CDYL2: variants seen among roughly 807,000 people sequenced by gnomAD.
CDYL2 encodes chromodomain Y-like protein 2.
CDYL2 carries 23 observed loss-of-function variants against 49.4 expected under a neutral mutation model. That is an observed-to-expected ratio of 0.47 (90% confidence interval 0.34 to 0.66). CDYL2 has a LOEUF of 0.66. CDYL2 is among the 30% of genes least tolerant of loss of function. The pLI is 0.01. For missense variants in CDYL2, 678 were observed against 656.4 expected (o/e 1.03, Z -0.36); for synonymous variants, 360 against 268.8 (o/e 1.34, Z -3.32).
Position 80,684,834 on chromosome 16 carries a change from TTCCGTTTATGGGAGG to T in CDYL2, c.305_319del (p.Thr102_Arg106del). 6.2e-7 allele frequency: 1 copy of T among 1,614,198 alleles called. No individual in the cohort carries two copies. Among genetic ancestry groups the T allele is most frequent in the South Asian group, 1.1e-5 (1 of 91,080 alleles). On this transcript the variant is annotated inframe_deletion, in exon 2 of 7. Coordinates refer to ENST00000570137, the MANE Select transcript of CDYL2 (RefSeq NM_152342.4). ...CTTGGCCAGGGGAGGGTTAATTCGC[TTCCGTTTATGGGAGG>T]TCCCCTTGCTCTTTCCAGGATCTGA...
intron 2 of CDYL2, among the ~76,000 whole-genome samples, chr16:80,648,285 G>A (rs900689322): frequency 4.6e-5 from 7 of 151,872 alleles, no homozygotes; most frequent in African/African-American, 1.7e-4. Context: ...ACAGAGAGAA[G>A]ACCCAAATTA....
chr16:80,787,817 T>C (rs1907485741), intron 1 of CDYL2, among the ~76,000 whole-genome samples: 1 of 152,226 alleles, frequency 6.6e-6, no homozygotes, highest in Non-Finnish European at 1.5e-5. Flanking sequence ...TACTTGAACA[T>C]ATTATCTTAA....
intron 1 of CDYL2, among the ~76,000 whole-genome samples, chr16:80,703,157 G>C (rs890525390): frequency 6.6e-6 from 1 of 152,160 alleles, no homozygotes; most frequent in African/African-American, 2.4e-5. Flanking sequence ...CAAAAAGAGA[G>C]GTGGAGATGT....
At chr16:80,626,250 C>G (rs1159560108) in intron 3 of CDYL2, among the ~76,000 whole-genome samples, 1 of 142,810 alleles carries the variant, frequency 7.0e-6, no homozygotes, top group Admixed American at 7.0e-5. Context: ...GTACTCCAAC[C>G]TCGGTGACAG....
chr16:80,630,834 T>C (rs1051020177), intron 3 of CDYL2, among the ~76,000 whole-genome samples: 1 of 151,958 alleles, frequency 6.6e-6, no homozygotes, highest in African/African-American at 2.4e-5. Flanking sequence ...AATCACAAAT[T>C]CAAGAGCACA....
intron 4 of CDYL2, among the ~76,000 whole-genome samples, chr16:80,619,715 C>T (rs1009183473): frequency 2.0e-5 from 3 of 152,182 alleles, no homozygotes; most frequent in Admixed American, 6.5e-5. Context: ...TGCCCAGGCT[C>T]GTCATGTCTC....
At chr16:80,676,328 T>A (rs1909740988) in intron 2 of CDYL2, among the ~76,000 whole-genome samples, 1 of 152,208 alleles carries the variant, frequency 6.6e-6, no homozygotes, top group Non-Finnish European at 1.5e-5. Context: ...TGAAAGTGTG[T>A]TGGCCTGGGG....
intron 1 of CDYL2, among the ~76,000 whole-genome samples, chr16:80,724,652 A>G (rs750914667): frequency 1.3e-5 from 2 of 152,206 alleles, no homozygotes. Flanking sequence ...TCACATACAT[A>G]TACACACATG....
intron 1 of CDYL2, among the ~76,000 whole-genome samples, chr16:80,715,489 G>A (rs1904767268): frequency 6.6e-6 from 1 of 152,154 alleles, no homozygotes; most frequent in Non-Finnish European, 1.5e-5. Flanking sequence ...GACATTTACA[G>A]ACACTCATGG....
chr16:80,740,994 A>C (rs1905713859), intron 1 of CDYL2, among the ~76,000 whole-genome samples: 2 of 151,894 alleles, frequency 1.3e-5, no homozygotes, highest in Admixed American at 1.3e-4. Flanking sequence ...GTTTATTTTA[A>C]GTAAATAACA....
Position 80,602,187 on chromosome 16 carries a change from G to A in CDYL2, c.*2201C>T, listed in dbSNP as rs1312057526. ...GAAAGCTCACATTTGCTTTCTCAAA[G>A]GAGGAGATAAGATCCAGATAGAGCT... On this transcript the variant is annotated 3_prime_UTR_variant, in exon 7 of 7. Coordinates refer to ENST00000570137, the MANE Select transcript of CDYL2 (RefSeq NM_152342.4). 2.6e-5 allele frequency: 4 copies of A among 152,242 alleles called. No homozygotes were observed. The highest frequency in any genetic ancestry group is 5.9e-5 in the Non-Finnish European group (4 of 68,040). The allele number at this position is 152,242 out of a possible 1,614,324, so 9.4% of individuals were successfully genotyped here.
At chr16:80,732,582 C>A (rs1418046104) in intron 1 of CDYL2, among the ~76,000 whole-genome samples, 1 of 152,146 alleles carries the variant, frequency 6.6e-6, no homozygotes, top group Non-Finnish European at 1.5e-5. Flanking sequence ...ACTACTTTAC[C>A]TATTTACCCT....
intron 1 of CDYL2, among the ~76,000 whole-genome samples, chr16:80,754,714 T>C (rs771062897): frequency 2.6e-5 from 4 of 152,206 alleles, no homozygotes; most frequent in Non-Finnish European, 5.9e-5. Flanking sequence ...GGAATACACA[T>C]AGCACACCTG....
intron 1 of CDYL2, among the ~76,000 whole-genome samples, chr16:80,711,248 G>A (rs1214049333): frequency 1.3e-5 from 2 of 152,186 alleles, no homozygotes; most frequent in African/African-American, 2.4e-5. Context: ...ACAAGAAGTG[G>A]GGCATTTTCA....
chr16:80,607,201 C>T (rs184228470), intron 6 of CDYL2, among the ~76,000 whole-genome samples: 14 of 152,298 alleles, frequency 9.2e-5, no homozygotes, highest in African/African-American at 2.9e-4. Flanking sequence ...CCTCACCCCG[C>T]GAGCACTGTC....
At chr16:80,792,951 G>T (rs752273752) in intron 1 of CDYL2, among the ~76,000 whole-genome samples, 2 of 152,152 alleles carry the variant, frequency 1.3e-5, no homozygotes, top group Non-Finnish European at 2.9e-5. Flanking sequence ...TTTCTGAAGG[G>T]CCATTACAGC....
In CDYL2 at chr16:80,601,440, C is replaced by T. The variant is rs1906079159; in HGVS notation, c.*2948G>A. 6.6e-6 allele frequency: 1 copy of T among 152,150 alleles called. No individual in the cohort carries two copies. Among genetic ancestry groups the T allele is most frequent in the Non-Finnish European group, 1.5e-5 (1 of 68,056 alleles). 9.4% of individuals were successfully genotyped at this position (152,150 alleles called of 1,614,324 possible). A position where few individuals can be genotyped will look rare whatever the true frequency, so the allele number is the denominator to read the frequency against. ...AAAATGAGCCGCAATTCCTCAAAGA[C>T]CTGCCCAGGCTCTTGGGAGTGACTT... On this transcript the variant is annotated 3_prime_UTR_variant, in exon 7 of 7. Coordinates refer to ENST00000570137, the MANE Select transcript of CDYL2 (RefSeq NM_152342.4).
intron 6 of CDYL2, among the ~76,000 whole-genome samples, chr16:80,605,699 G>A (rs1906301002): frequency 6.6e-6 from 1 of 151,870 alleles, no homozygotes; most frequent in South Asian, 2.1e-4. Flanking sequence ...ATTCATAACA[G>A]TAATAGTAAT....
rs1032852610 is a variant in CDYL2, at chr16:80,729,843, A to G, written c.25-44714T>C. Among the ~76,000 whole-genome samples, 19 of 152,292 alleles carry G rather than the reference A, an allele frequency of 1.2e-4. No individual in the cohort carries two copies. In the South Asian group the frequency reaches 1.7e-3, roughly 13 times the overall value. ...CATGGAAACTGAACAACCTGCTCCT[A>G]AATGACTACTGGGTGCATAACGAAA... On this transcript the variant is annotated intron_variant, in intron 1 of 6. Coordinates refer to ENST00000570137, the MANE Select transcript of CDYL2 (RefSeq NM_152342.4).
Sources: allele counts gnomAD v4.1 joint callset (sites outside exome capture counted in the v4.1 genomes callset), GRCh38; gene constraint gnomAD v4.1.1; transcripts MANE v1.5; gene names NCBI Gene and HGNC (gene_info 2026-07-23, HGNC 2026-07-21).